ZC3H11A: variants seen among roughly 807,000 people sequenced by gnomAD.
ZC3H11A encodes zinc finger CCCH-type containing 11A, also known as zinc finger CCCH domain-containing protein 11A.
Under a neutral mutation model 90.8 loss-of-function variants are expected in ZC3H11A, and 22 were observed. The observed-to-expected ratio is 0.24, with a 90% CI of 0.17 to 0.35. ZC3H11A has a LOEUF of 0.35. Ranked by LOEUF, ZC3H11A falls within the 10% of genes least tolerant of loss-of-function variation. ZC3H11A has a pLI of 1.00. For missense variants in ZC3H11A, 701 were observed against 964.9 expected (o/e 0.73, Z 3.62); for synonymous variants, 294 against 339.8 (o/e 0.87, Z 1.48).
chr1:203,797,492 T>G, intron 1 of ZC3H11A: 1 of 1,460,942 alleles, frequency 6.8e-7, no homozygotes, highest in South Asian at 1.4e-5. Flanking sequence ...CACTAACAGA[T>G]TCTGGTACGA....
chr1:203,831,830 C>A, intron 9 of ZC3H11A, 59 bp downstream of exon 9: 1 of 1,375,888 alleles, frequency 7.3e-7, no homozygotes, highest in Non-Finnish European at 1.0e-6. Context: ...ATTGGGAATG[C>A]AAAATCCTTG....
chr1:203,818,811 T>C lies in ZC3H11A; in HGVS notation c.174+122T>C, dbSNP rs1677229181. On this transcript the variant is annotated intron_variant, in intron 4 of 17. Transcript: ENST00000367210. ...AAGGCTGAGTGCAGTGGCTCATGCC[T>C]GTAGTTCCAGCACTTTGGGAGGCTG... is the stretch of plus-strand genomic sequence containing the variant. 7 of 1,453,024 alleles carry C rather than the reference T, an allele frequency of 4.8e-6. No homozygotes were observed. The Admixed American group carries it at 1.5e-4, about 31-fold the overall frequency. 90.0% of individuals were successfully genotyped at this position (1,453,024 alleles called of 1,614,324 possible). A position where few individuals can be genotyped will look rare whatever the true frequency, so the allele number is the denominator to read the frequency against.
chr1:203,846,981 G>GT (rs1202816235), intron 12 of ZC3H11A, among the ~76,000 whole-genome samples: 1 of 151,480 alleles, frequency 6.6e-6, no homozygotes, highest in Non-Finnish European at 1.5e-5. Context: ...CTCCAGCCTG[G>GT]GTAACAGAGT....
intron 13 of ZC3H11A, 123 bp downstream of exon 13, chr1:203,847,810 G>T: frequency 7.2e-7 from 1 of 1,394,812 alleles, no homozygotes; most frequent in Non-Finnish European, 9.7e-7. Context: ...TGAAAACACT[G>T]AATTAAATGA....
At chr1:203,804,308 C>T (rs962039455) in intron 2 of ZC3H11A, among the ~76,000 whole-genome samples, 4 of 151,946 alleles carry the variant, frequency 2.6e-5, no homozygotes, top group Non-Finnish European at 4.4e-5. Context: ...CCCGCCACCT[C>T]GCCTGGCTAA....
At chr1:203,820,279 TGTCAC>T (rs1413737758) in intron 4 of ZC3H11A, among the ~76,000 whole-genome samples, 4 of 151,968 alleles carry the variant, frequency 2.6e-5, no homozygotes, top group African/African-American at 9.7e-5. Flanking sequence ...TGCACATAGT[TGTCAC>T]GACTAGTTTT....
At chr1:203,810,710 C>T (rs1017741167) in intron 2 of ZC3H11A, among the ~76,000 whole-genome samples, 2 of 152,084 alleles carry the variant, frequency 1.3e-5, no homozygotes, top group East Asian at 1.9e-4. Flanking sequence ...TGAGCCACCG[C>T]GCCCGGCCAG....
chr1:203,830,309 A>C lies in ZC3H11A; in HGVS notation c.700+106A>C, dbSNP rs746671154. 16 of 875,408 alleles carry C rather than the reference A, an allele frequency of 1.8e-5. No individual in the cohort carries two copies. The South Asian group carries it at 2.8e-4, about 15-fold the overall frequency. 54.2% of individuals were successfully genotyped at this position (875,408 alleles called of 1,614,324 possible). A position where few individuals can be genotyped will look rare whatever the true frequency, so the allele number is the denominator to read the frequency against. On this transcript the variant is annotated intron_variant, in intron 8 of 17. Coordinates refer to ENST00000367210, the MANE Select transcript of ZC3H11A (RefSeq NM_001376342.1). The stretch of plus-strand genomic sequence containing the variant: ...AATGAGCAAATAGATTTTCATTTCC[A>C]TGGCCTGTTTGAAGTAAAACACAGA...
rs1481032622 is a variant in ZC3H11A, at chr1:203,833,343, C to T, written c.812-448C>T. 6.3e-4 allele frequency among the ~76,000 whole-genome samples: 83 copies of T among 131,020 alleles called. 1 individual carries two copies. Among genetic ancestry groups the T allele is most frequent in the African/African-American group, 2.2e-3 (74 of 34,268 alleles). The allele number at this position is 131,020 out of a possible 152,430, so 86.0% of individuals were successfully genotyped here. On this transcript the variant is annotated intron_variant, in intron 9 of 17. Transcript: ENST00000367210. Reference sequence around the variant, plus strand: ...TCGGGCCACTGCACTCTAGCCTGGGCGACAGAGTGAGACTCTGTCTCAAAA... The same window carrying T: ...TCGGGCCACTGCACTCTAGCCTGGGTGACAGAGTGAGACTCTGTCTCAAAA...
intron 11 of ZC3H11A, among the ~76,000 whole-genome samples, chr1:203,840,003 C>T (rs895785517): frequency 6.6e-6 from 1 of 151,990 alleles, no homozygotes; most frequent in African/African-American, 2.4e-5. Context: ...GGGGTTTCAC[C>T]ATGTTGGCCA....
chr1:203,851,772 G>A (rs1271936205), intron 17 of ZC3H11A, among the ~76,000 whole-genome samples: 3 of 151,794 alleles, frequency 2.0e-5, no homozygotes, highest in East Asian at 3.9e-4. Context: ...AGACCAGCCT[G>A]GACAACATAG....
At chr1:203,848,860 C>T (rs1191629381) in intron 14 of ZC3H11A, among the ~76,000 whole-genome samples, 2 of 152,038 alleles carry the variant, frequency 1.3e-5, no homozygotes, top group East Asian at 1.9e-4. Flanking sequence ...AAATATACAG[C>T]TCAGATGTAA....
At chr1:203,814,709 A>G (rs147765535) in intron 2 of ZC3H11A, among the ~76,000 whole-genome samples, 92 of 152,238 alleles carry the variant, frequency 6.0e-4, no homozygotes, top group Middle Eastern at 3.4e-3. Context: ...CCCAATAACA[A>G]AGCTGCTTAC....
intron 4 of ZC3H11A, among the ~76,000 whole-genome samples, chr1:203,826,931 T>C (rs984538930): frequency 1.1e-4 from 16 of 152,164 alleles, no homozygotes; most frequent in African/African-American, 3.9e-4. Context: ...AAATAGAGTA[T>C]TAGCAGTAAT....
chr1:203,813,143 A>G (rs1675084405), intron 2 of ZC3H11A, among the ~76,000 whole-genome samples: 1 of 152,156 alleles, frequency 6.6e-6, no homozygotes, highest in Non-Finnish European at 1.5e-5. Flanking sequence ...GCTTCTTAAC[A>G]GAGCTTTCAC....
intron 1 of ZC3H11A, chr1:203,800,659 C>T: frequency 2.2e-6 from 1 of 449,240 alleles, no homozygotes; most frequent in Non-Finnish European, 3.8e-6. Flanking sequence ...AACTGTGGCG[C>T]TAGCACTTGA....
intron 14 of ZC3H11A, among the ~76,000 whole-genome samples, chr1:203,849,381 C>T (rs577972026): frequency 3.0e-4 from 45 of 152,230 alleles, no homozygotes; most frequent in Admixed American, 2.4e-3. Flanking sequence ...TTTTTCTGGA[C>T]ATTCAGATTT....
In ZC3H11A at chr1:203,845,543, G is replaced by C. The variant is rs192412742; in HGVS notation, c.1043-1641G>C. ...CTTTGATCAGAAAAACTAAATTGGA[G>C]GGTATCAGGTTTTAAGCTGAATTCA... On this transcript the variant is annotated intron_variant, in intron 12 of 17. Coordinates refer to ENST00000367210, the MANE Select transcript of ZC3H11A (RefSeq NM_001376342.1). Among the ~76,000 whole-genome samples, 70 of 152,266 alleles carry C rather than the reference G, an allele frequency of 4.6e-4. 2 individuals carry two copies. In the South Asian group the frequency reaches 0.014, roughly 31 times the overall value.
chr1:203,799,894 A>C, intron 1 of ZC3H11A: 1 of 1,536,078 alleles, frequency 6.5e-7, no homozygotes, highest in Non-Finnish European at 8.7e-7. Context: ...TTAGAAACTT[A>C]TAAGCAGTTC....
Sources: gnomAD v4.1 joint callset for allele counts (sites outside exome capture counted in the v4.1 genomes callset) on GRCh38, gnomAD v4.1.1 for gene constraint, MANE v1.5 for transcripts, NCBI Gene and HGNC (gene_info 2026-07-23, HGNC 2026-07-21) for gene names.